Variants in BICD1 observed in about 807,000 individuals in gnomAD.
The protein encoded by BICD1 is protein bicaudal D homolog 1.
A neutral mutation model predicts 92.5 loss-of-function variants in BICD1; 35 were observed. The ratio of observed to expected loss-of-function variants is 0.38; its 90% CI spans 0.29 to 0.50. The LOEUF (loss-of-function observed/expected upper bound fraction) is 0.50. BICD1 is among the 20% of genes least tolerant of loss of function. BICD1 has a pLI of 0.93. For synonymous variants in BICD1, 429 were observed against 465.1 expected, an observed-to-expected ratio of 0.92 and a Z score of 1.00; for missense variants, 950 against 1,189.8, an observed-to-expected ratio of 0.80 and a Z score of 2.97.
chr12:32,307,904 G>A (rs1948272509), intron 4 of BICD1, among the ~76,000 whole-genome samples: 1 of 152,148 alleles, frequency 6.6e-6, no homozygotes, highest in Admixed American at 6.6e-5. Context: ...CATATTGGTG[G>A]CTTTGAGATA....
intron 5 of BICD1, among the ~76,000 whole-genome samples, chr12:32,330,631 G>A (rs1437296759): frequency 6.6e-6 from 1 of 151,392 alleles, no homozygotes; most frequent in African/African-American, 2.4e-5. Context: ...AGTGAATGAA[G>A]AATTTGTGAG....
At position 32,116,482 on chromosome 12, in the gene BICD1, C is replaced by G. The variant is rs1043208050; in HGVS notation, c.213+8938C>G. Among the ~76,000 whole-genome samples the G allele has an allele frequency of 3.4e-3, 394 of 115,010 alleles. 2 individuals are homozygous for G. The highest frequency in any genetic ancestry group is 0.013 in the African/African-American group (380 of 28,900). 75.5% of individuals were successfully genotyped at this position (115,010 alleles called of 152,430 possible). On this transcript the variant is annotated intron_variant, in intron 1 of 9. Transcript: ENST00000652176. ...TGTCTGTCTCTCTCTCTCTCTCTCT[C>G]TCTCTCTCTTTCTCTCTCTCTCTCT... is the stretch of plus-strand genomic sequence containing the variant.
At position 32,383,541 on chromosome 12, in the gene BICD1, C is replaced by T. The variant is rs928866239; in HGVS notation, c.*5914C>T. On this transcript the variant is annotated 3_prime_UTR_variant, in exon 10 of 10. Coordinates refer to ENST00000652176, the MANE Select transcript of BICD1 (RefSeq NM_001714.4). ...AGAAAATAACCAGAAGCCAATATATCGATTCTTATATCTCGGTTTATGTTA... is the reference window on the plus strand; with the variant it reads ...AGAAAATAACCAGAAGCCAATATATTGATTCTTATATCTCGGTTTATGTTA... 2 of 152,082 alleles carry T rather than the reference C, an allele frequency of 1.3e-5. No individual in the cohort carries two copies. Among genetic ancestry groups the T allele is most frequent in the Admixed American group, 6.6e-5 (1 of 15,262 alleles). 9.4% of individuals were successfully genotyped at this position (152,082 alleles called of 1,614,324 possible).
intron 1 of BICD1, among the ~76,000 whole-genome samples, chr12:32,202,082 C>G (rs1015698607): frequency 1.3e-5 from 2 of 152,138 alleles, no homozygotes; most frequent in Admixed American, 1.3e-4. Flanking sequence ...TGGTTGCCCA[C>G]CATTTTTGAA....
chr12:32,275,863 T>C (rs956141809), intron 2 of BICD1, among the ~76,000 whole-genome samples: 4 of 152,120 alleles, frequency 2.6e-5, no homozygotes, highest in African/African-American at 9.7e-5. Flanking sequence ...GGTTCCACGG[T>C]TCTCTTCCAT....
chr12:32,144,586 C>G lies in BICD1; in HGVS notation c.213+37042C>G, dbSNP rs913436403. Among the ~76,000 whole-genome samples the G allele has an allele frequency of 7.9e-5, 12 of 152,162 alleles. No individual in the cohort carries two copies. In the South Asian group the frequency reaches 1.9e-3, roughly 24 times the overall value. On this transcript the variant is annotated intron_variant, in intron 1 of 9. Coordinates refer to ENST00000652176, the MANE Select transcript of BICD1 (RefSeq NM_001714.4). Reference sequence around the variant, plus strand: ...TCATCTGGGCTAAATGAAGAATCACCAGGACATGTGATACAGTGAAACTAT... The same window carrying G: ...TCATCTGGGCTAAATGAAGAATCACGAGGACATGTGATACAGTGAAACTAT...
chr12:32,312,152 T>G (rs1328712252), intron 4 of BICD1, among the ~76,000 whole-genome samples: 1 of 152,150 alleles, frequency 6.6e-6, no homozygotes, highest in Admixed American at 6.6e-5. Flanking sequence ...AGGTAATAAA[T>G]TAGCCCCACC....
intron 8 of BICD1, among the ~76,000 whole-genome samples, chr12:32,365,411 T>C (rs1168484834): frequency 1.3e-5 from 2 of 152,232 alleles, no homozygotes; most frequent in Admixed American, 1.3e-4. Flanking sequence ...CCATAAATTA[T>C]ATTTTGAATG....
At chr12:32,190,129 A>C (rs938793544) in intron 1 of BICD1, among the ~76,000 whole-genome samples, 2 of 152,232 alleles carry the variant, frequency 1.3e-5, no homozygotes, top group Non-Finnish European at 2.9e-5. Context: ...AAAGAAATGA[A>C]TCAAAGCATA....
At chr12:32,275,469 G>A (rs1488825606) in intron 2 of BICD1, among the ~76,000 whole-genome samples, 1 of 152,128 alleles carries the variant, frequency 6.6e-6, no homozygotes. Flanking sequence ...TTGTTCATAT[G>A]ATGAGTTAGA....
At chr12:32,218,612 A>G (rs930519467) in intron 2 of BICD1, among the ~76,000 whole-genome samples, 4 of 152,198 alleles carry the variant, frequency 2.6e-5, no homozygotes, top group Non-Finnish European at 5.9e-5. Flanking sequence ...TGCATTTTAC[A>G]TAGTAGATTT....
At chr12:32,322,933 T>C (rs1368583806) in intron 4 of BICD1, among the ~76,000 whole-genome samples, 1 of 152,230 alleles carries the variant, frequency 6.6e-6, no homozygotes, top group Admixed American at 6.5e-5. Flanking sequence ...TCTGTAATCA[T>C]GTGTACTAAT....
intron 1 of BICD1, among the ~76,000 whole-genome samples, chr12:32,153,065 T>C (rs1188647055): frequency 6.6e-6 from 1 of 152,212 alleles, no homozygotes; most frequent in Non-Finnish European, 1.5e-5. Flanking sequence ...CTTGCTCTCC[T>C]CTCTCCCTCT....
intron 4 of BICD1, among the ~76,000 whole-genome samples, chr12:32,317,303 A>C (rs983454562): frequency 2.0e-5 from 3 of 152,226 alleles, no homozygotes; most frequent in Non-Finnish European, 2.9e-5. Context: ...CAATGGTCGA[A>C]CTAGTTTACA....
chr12:32,327,701 C>A lies in BICD1; in HGVS notation c.1246C>A (p.Leu416Ile). ...YEVDINGLEI[L>I]ECKYRVAVTE... ...GGTGGACATCAATGGTTTAGAGATC[C>A]TTGAATGCAAATACAGGGTGGCAGT... The change falls in exon 5 of 10, where the codon CTT (leucine) becomes ATT (isoleucine). Residue 416 changes from leucine to isoleucine, a missense_variant. Coordinates refer to ENST00000652176, the MANE Select transcript of BICD1 (RefSeq NM_001714.4). 6.2e-7 allele frequency: 1 copy of A among 1,614,050 alleles called. No individual in the cohort carries two copies. The highest frequency in any genetic ancestry group is 8.5e-7 in the Non-Finnish European group (1 of 1,179,994).
At chr12:32,217,617 A>G (rs1945398467) in intron 2 of BICD1, among the ~76,000 whole-genome samples, 1 of 152,208 alleles carries the variant, frequency 6.6e-6, no homozygotes, top group South Asian at 2.1e-4. Flanking sequence ...AATGAAGTGG[A>G]AGTTAGTGTT....
intron 2 of BICD1, among the ~76,000 whole-genome samples, chr12:32,276,478 A>G (rs1220210500): frequency 6.6e-6 from 1 of 152,242 alleles, no homozygotes; most frequent in Non-Finnish European, 1.5e-5. Flanking sequence ...AGAGTTCACT[A>G]AAATGCTAAT....
At chr12:32,368,398 TAA>T (rs1354373078) in intron 9 of BICD1, among the ~76,000 whole-genome samples, 1 of 151,946 alleles carries the variant, frequency 6.6e-6, no homozygotes, top group Non-Finnish European at 1.5e-5. Flanking sequence ...AAATAAAACT[TAA>T]AGTGTTTAAA....
chr12:32,126,462 A>G (rs1051108328), intron 1 of BICD1, among the ~76,000 whole-genome samples: 1 of 152,126 alleles, frequency 6.6e-6, no homozygotes, highest in Non-Finnish European at 1.5e-5. Flanking sequence ...TTCTTAAAAA[A>G]AAAAAAGTTG....
Sources: allele counts gnomAD v4.1 joint callset (sites outside exome capture counted in the v4.1 genomes callset), GRCh38; gene constraint gnomAD v4.1.1; transcripts MANE v1.5; gene names NCBI Gene and HGNC (gene_info 2026-07-23, HGNC 2026-07-21).